Variants in FBXL14 observed in about 807,000 individuals in gnomAD.
FBXL14 encodes the protein F-box/LRR-repeat protein 14.
A neutral mutation model predicts 24.5 loss-of-function variants in FBXL14; 11 were observed. The ratio of observed to expected loss-of-function variants is 0.45; its 90% CI spans 0.28 to 0.74. The LOEUF is 0.74. Ranked by LOEUF, FBXL14 falls within the 30% of genes least tolerant of loss-of-function variation. FBXL14 has a pLI of 0.12. For missense variants in FBXL14, 384 were observed against 545.6 expected (o/e 0.70, Z 2.95); for synonymous variants, 294 against 240.4 (o/e 1.22, Z -2.06).
intron 1 of FBXL14, among the ~76,000 whole-genome samples, chr12:1,582,864 C>A (rs913694049): frequency 1.3e-5 from 2 of 152,176 alleles, no homozygotes; most frequent in Non-Finnish European, 2.9e-5. Flanking sequence ...ACCAGGAGGG[C>A]AAGACCCGAA....
Position 1,579,820 on chromosome 12 carries a change from A to G in FBXL14, c.1195-13010T>C, listed in dbSNP as rs536779224. Among the ~76,000 whole-genome samples, 1 of 152,306 alleles carries G rather than the reference A, an allele frequency of 6.6e-6. No individual in the cohort carries two copies. The highest frequency in any genetic ancestry group is 2.1e-4 in the South Asian group (1 of 4,826). ...TCCTTTTTACTGGGTATTTGCATAC[A>G]TCACTAACCAGCTGGGATTAGAATG... On this transcript the variant is annotated intron_variant, in intron 1 of 1. Transcript: ENST00000339235. The surrounding 1 kb of genome is among the most constrained non-coding windows in gnomAD (Gnocchi z 4.3).
At chr12:1,568,753 C>A (rs933760733) in intron 1 of FBXL14, among the ~76,000 whole-genome samples, 12 of 152,100 alleles carry the variant, frequency 7.9e-5, no homozygotes, top group Non-Finnish European at 1.5e-4. Context: ...CCCAGCTACT[C>A]GCGAGGCTGA....
chr12:1,587,937 T>C (rs1434356877), intron 1 of FBXL14, among the ~76,000 whole-genome samples: 1 of 152,212 alleles, frequency 6.6e-6, no homozygotes, highest in African/African-American at 2.4e-5. Context: ...GGTCTTGCCC[T>C]CTACTAAAGG....
At chr12:1,580,538 G>GCT (rs1451887230) in intron 1 of FBXL14, among the ~76,000 whole-genome samples, 2 of 152,044 alleles carry the variant, frequency 1.3e-5, no homozygotes, top group Non-Finnish European at 2.9e-5. Context: ...ATAGTGGGGG[G>GCT]GGAGGTCCTT....
Position 1,593,826 on chromosome 12 carries a change from T to TGCGGCGGAGGCTCAGGATCTGCAC in FBXL14, c.217_240dup (p.Val73_Arg80dup), listed in dbSNP as rs754402441. ...ATGCCCTGGATCACGTAGCTGAGGCTGCGGCGGAGGCTCAGGATCTGCACC... is the reference window on the plus strand; with the variant it reads ...ATGCCCTGGATCACGTAGCTGAGGCTGCGGCGGAGGCTCAGGATCTGCACGCGGCGGAGGCTCAGGATCTGCACC... On this transcript the variant is annotated inframe_insertion, in exon 1 of 2. Coordinates refer to ENST00000339235, the MANE Select transcript of FBXL14 (RefSeq NM_152441.3). This position sits in a 1 kb window ranked among gnomAD's most constrained non-coding sequence, Gnocchi z 7.4. The TGCGGCGGAGGCTCAGGATCTGCAC allele has an allele frequency of 6.2e-7, 1 of 1,614,020 alleles. No individual in the cohort carries two copies. The highest frequency in any genetic ancestry group is 2.2e-5 in the East Asian group (1 of 44,866).
rs1565585328 is a variant in FBXL14 at position 1,579,343 on chromosome 12, C to T, written c.1195-12533G>A. 6.6e-6 allele frequency among the ~76,000 whole-genome samples: 1 copy of T among 150,998 alleles called. No individual in the cohort carries two copies. Among genetic ancestry groups the T allele is most frequent in the South Asian group, 2.1e-4 (1 of 4,824 alleles). On this transcript the variant is annotated intron_variant, in intron 1 of 1. Transcript: ENST00000339235. The surrounding 1 kb of genome is among the most constrained non-coding windows in gnomAD (Gnocchi z 4.3). ...TTTAAAAAATAATCTGGGCCGGGCA[C>T]GGTGGCTCACGCCTGTAATCCCAGC...
intron 1 of FBXL14, among the ~76,000 whole-genome samples, chr12:1,575,870 C>T (rs1393231665): frequency 6.6e-6 from 1 of 152,148 alleles, no homozygotes; most frequent in African/African-American, 2.4e-5. Context: ...GGCATGAACT[C>T]TGAACTTCCT....
chr12:1,573,780 G>A (rs142185207), intron 1 of FBXL14, among the ~76,000 whole-genome samples: 160 of 152,290 alleles, frequency 1.1e-3, no homozygotes, highest in African/African-American at 4.1e-4. Flanking sequence ...CAAGGCGGGC[G>A]GATCACCTGA....
intron 1 of FBXL14, among the ~76,000 whole-genome samples, chr12:1,575,790 T>C (rs778303712): frequency 3.3e-5 from 5 of 152,062 alleles, no homozygotes; most frequent in Non-Finnish European, 7.4e-5. Flanking sequence ...GGAAGCGTCA[T>C]GAGAGGGTCA....
Position 1,593,634 on chromosome 12 carries a change from G to C in FBXL14, c.433C>G (p.Leu145Val). ...LGRIAQYLKG[L>V]EVLELGGCSN... The stretch of plus-strand genomic sequence containing the variant: ...CAACCTCCCAGCTCCAGCACCTCCA[G>C]GCCCTTGAGGTACTGGGCTATGCGG... Residue 145 changes from leucine (L) to valine (V), a missense_variant, in exon 1 of 2, where the codon CTG becomes GTG. Transcript: ENST00000339235. This position sits in a 1 kb window ranked among gnomAD's most constrained non-coding sequence, Gnocchi z 7.4. 6.2e-7 allele frequency: 1 copy of C among 1,614,184 alleles called. No homozygotes were observed.
At chr12:1,578,851 C>G (rs1226531342) in intron 1 of FBXL14, among the ~76,000 whole-genome samples, 1 of 152,132 alleles carries the variant, frequency 6.6e-6, no homozygotes. Context: ...TTTAAGGAGT[C>G]AGACCACGGT....
rs917937183 is a variant in FBXL14, at chr12:1,579,568, G to A, written c.1195-12758C>T. 5.3e-5 allele frequency among the ~76,000 whole-genome samples: 8 copies of A among 149,744 alleles called. No individual in the cohort carries two copies. The South Asian group carries it at 8.5e-4, about 16-fold the overall frequency. ...TGGGAGGTTGCAGTGAGCCGAGATC[G>A]CACCATTGCACTCCAGTCTCGGTGA... On this transcript the variant is annotated intron_variant, in intron 1 of 1. Transcript: ENST00000339235. This position sits in a 1 kb window ranked among gnomAD's most constrained non-coding sequence, Gnocchi z 4.3.
In FBXL14 at chr12:1,569,643, G is replaced by A. The variant is rs530606767; in HGVS notation, c.1195-2833C>T. On this transcript the variant is annotated intron_variant, in intron 1 of 1. Coordinates refer to ENST00000339235, the MANE Select transcript of FBXL14 (RefSeq NM_152441.3). This position sits in a 1 kb window ranked among gnomAD's most constrained non-coding sequence, Gnocchi z 4.2. ...TCTCGATCTCCTGAACTTGTGATCC[G>A]CCCGCCTCGGCCTCCCAGAGTGCTG... 5.3e-5 allele frequency among the ~76,000 whole-genome samples: 8 copies of A among 152,202 alleles called. No individual in the cohort carries two copies. The South Asian group carries it at 1.2e-3, about 24-fold the overall frequency.
chr12:1,590,580 C>T (rs897074479), intron 1 of FBXL14, among the ~76,000 whole-genome samples: 1 of 152,148 alleles, frequency 6.6e-6, no homozygotes, highest in Non-Finnish European at 1.5e-5. Context: ...CCAAAGGGAA[C>T]TCTTGCTGGA....
intron 1 of FBXL14, among the ~76,000 whole-genome samples, chr12:1,584,200 G>C (rs960546136): frequency 3.7e-4 from 56 of 152,056 alleles, no homozygotes; most frequent in African/African-American, 1.3e-3. Context: ...AATAATAATA[G>C]TAATAATGGG....
chr12:1,576,749 G>T (rs527437836), intron 1 of FBXL14, among the ~76,000 whole-genome samples: 2 of 152,178 alleles, frequency 1.3e-5, no homozygotes, highest in African/African-American at 2.4e-5. Context: ...ATACGCGTAA[G>T]TGGGAGATGG....
intron 1 of FBXL14, among the ~76,000 whole-genome samples, chr12:1,589,796 G>A (rs1298681589): frequency 6.6e-6 from 1 of 152,178 alleles, no homozygotes; most frequent in Admixed American, 6.5e-5. Flanking sequence ...GCCTCATTCA[G>A]GATAAGGATA....
intron 1 of FBXL14, among the ~76,000 whole-genome samples, chr12:1,592,190 G>GTATATATATATATATAATT (rs2094491748): frequency 7.2e-6 from 1 of 139,068 alleles, no homozygotes; most frequent in African/African-American, 2.6e-5. Flanking sequence ...ACATATATAT[G>GTATATATATATATATAATT]TATATATATA....
Position 1,567,897 on chromosome 12 carries a change from A to T in FBXL14, c.1195-1087T>A, listed in dbSNP as rs115375732. 0.036 allele frequency among the ~76,000 whole-genome samples: 5,509 copies of T among 152,220 alleles called. 327 individuals are homozygous for T. Among genetic ancestry groups the T allele is most frequent in the African/African-American group, 0.13 (5,230 of 41,534 alleles). On this transcript the variant is annotated intron_variant, in intron 1 of 1. Coordinates refer to ENST00000339235, the MANE Select transcript of FBXL14 (RefSeq NM_152441.3). The surrounding 1 kb of genome is among the most constrained non-coding windows in gnomAD (Gnocchi z 4.8). The stretch of plus-strand genomic sequence containing the variant: ...CACCCACACGCACACGCGCGCACAC[A>T]CGTGCGCACACACACAGAACAGAAT...
Sources: allele counts gnomAD v4.1 joint callset (sites outside exome capture counted in the v4.1 genomes callset), GRCh38; gene constraint gnomAD v4.1.1; non-coding constraint Gnocchi (gnomAD v3.1); transcripts MANE v1.5; gene names NCBI Gene and HGNC (gene_info 2026-07-23, HGNC 2026-07-21).